Variants in DDX42 observed in about 807,000 individuals in gnomAD.
The protein encoded by DDX42 is ATP-dependent RNA helicase DDX42.
DDX42 carries 22 observed loss-of-function variants against 101.5 expected under a neutral mutation model. The observed-to-expected ratio is 0.22, with a 90% CI of 0.15 to 0.31. The LOEUF is 0.31. DDX42 is among the 10% of genes least tolerant of loss of function. The pLI, the probability that DDX42 is intolerant of heterozygous loss-of-function variation, is 1.00. For missense variants in DDX42, 849 were observed against 1,199.9 expected (o/e 0.71, Z 4.32); for synonymous variants, 402 against 401.2 (o/e 1.00, Z -0.02).
intron 2 of DDX42, 43 bp downstream of exon 2, chr17:63,787,313 A>C: frequency 6.3e-7 from 1 of 1,584,352 alleles, no homozygotes; most frequent in Non-Finnish European, 8.6e-7. Context: ...TTGGACTTTG[A>C]TATATTCATT....
Position 63,803,301 on chromosome 17 carries a change from G to T in DDX42, c.622-1770G>T, listed in dbSNP as rs575827176. On this transcript the variant is annotated intron_variant, in intron 6 of 17. Transcript: ENST00000389924. ...TTTTAGTGTAAAATAAAAAGTATCTGAAAAGGGCTGGGTGCGGTGGCTCAT... is the reference window on the plus strand; with the variant it reads ...TTTTAGTGTAAAATAAAAAGTATCTTAAAAGGGCTGGGTGCGGTGGCTCAT... 2.2e-3 allele frequency among the ~76,000 whole-genome samples: 329 copies of T among 151,940 alleles called. 1 individual carries two copies. Among genetic ancestry groups the T allele is most frequent in the Non-Finnish European group, 3.8e-3 (256 of 67,984 alleles).
chr17:63,817,029 G>A, intron 17 of DDX42, 63 bp downstream of exon 17: 1 of 1,450,826 alleles, frequency 6.9e-7, no homozygotes, highest in East Asian at 2.4e-5. Flanking sequence ...TGACAGAGGG[G>A]CTTAGTTTTC....
At chr17:63,812,863 A>G (rs1483311099) in intron 14 of DDX42, among the ~76,000 whole-genome samples, 1 of 152,138 alleles carries the variant, frequency 6.6e-6, no homozygotes. Flanking sequence ...CGTCTCTACT[A>G]AAAATACAAA....
chr17:63,805,342 T>G (rs1383627328), intron 7 of DDX42, 167 bp downstream of exon 7: 9 of 817,384 alleles, frequency 1.1e-5, no homozygotes, highest in Non-Finnish European at 1.6e-5. Flanking sequence ...TTAATTTGAT[T>G]GTTTTAGTCT....
intron 1 of DDX42, chr17:63,775,215 A>G (rs2039404859): frequency 6.5e-6 from 1 of 152,794 alleles, no homozygotes; most frequent in Non-Finnish European, 1.5e-5. Context: ...ATTAATGTTT[A>G]TATTTTGACA....
intron 1 of DDX42, 63 bp from the exon 2 acceptor site, chr17:63,786,971 C>A: frequency 6.4e-7 from 1 of 1,562,348 alleles, no homozygotes; most frequent in East Asian, 2.3e-5. Context: ...CCACCGCGCC[C>A]GGCCCTTGGG....
At chr17:63,793,336 T>C (rs1433139081) in intron 3 of DDX42, among the ~76,000 whole-genome samples, 1 of 152,012 alleles carries the variant, frequency 6.6e-6, no homozygotes, top group Non-Finnish European at 1.5e-5. Context: ...AGTATGATCA[T>C]GGCTCACTGC....
intron 1 of DDX42, 60 bp from the exon 2 acceptor site, chr17:63,786,974 C>T: frequency 1.3e-6 from 2 of 1,574,504 alleles, no homozygotes; most frequent in Non-Finnish European, 1.7e-6. Flanking sequence ...CCGCGCCCGG[C>T]CCTTGGGGCT....
At position 63,817,897 on chromosome 17, in the gene DDX42, C is replaced by G. The variant is rs756800695; in HGVS notation, c.2316C>G (p.Ile772Met). 6.2e-7 allele frequency: 1 copy of G among 1,614,218 alleles called. No homozygotes were observed. The highest frequency in any genetic ancestry group is 1.7e-5 in the Admixed American group (1 of 60,032). Residue 772 changes from isoleucine to methionine, a missense_variant, in exon 18 of 18, where the codon ATC becomes ATG. By Grantham distance (10) the Ile-to-Met change is conservative (BLOSUM62 1). Around this residue, in one of 5 missense-constraint regions of DDX42, gnomAD observed 300 missense variants for 304.9 expected, o/e 0.98. Transcript: ENST00000389924. ...GIPGFGNTGNISGAPVTYPSA... is the reference protein window; with the variant it reads ...GIPGFGNTGNMSGAPVTYPSA... ...CAGGCTTTGGCAATACTGGCAACAT[C>G]AGTGGTGCCCCTGTGACCTACCCGT...
intron 2 of DDX42, 56 bp downstream of exon 2, chr17:63,787,326 A>G (rs775377895): frequency 2.6e-4 from 401 of 1,541,098 alleles, no homozygotes; most frequent in Non-Finnish European, 3.3e-4. Context: ...TATTCATTCT[A>G]TCAGCAGAAA....
intron 1 of DDX42, 75 bp from the exon 2 acceptor site, chr17:63,786,954 GCGTGA>G: frequency 1.4e-6 from 2 of 1,442,814 alleles, no homozygotes; most frequent in Non-Finnish European, 1.9e-6. Context: ...GGGATTACAG[GCGTGA>G]CCCACCGCGC....
At chr17:63,799,355 T>A (rs1327559166) in intron 4 of DDX42, 2 of 407,704 alleles carry the variant, frequency 4.9e-6, no homozygotes, top group Non-Finnish European at 4.3e-6. Flanking sequence ...TAACCGCTGT[T>A]TCTAGGGGTA....
chr17:63,798,168 C>A, intron 4 of DDX42, 69 bp downstream of exon 4: 3 of 1,455,044 alleles, frequency 2.1e-6, no homozygotes, highest in Non-Finnish European at 2.9e-6. Flanking sequence ...GTCTATTCCC[C>A]CAAAGTTTAT....
In DDX42 at chr17:63,817,936, A is replaced by G. The variant is rs1567748603; in HGVS notation, c.2355A>G (p.Gln785=). 5 of 1,614,210 alleles carry G rather than the reference A, an allele frequency of 3.1e-6. No homozygotes were observed. The highest frequency in any genetic ancestry group is 4.2e-6 in the Non-Finnish European group (5 of 1,180,032). ...TGACCTACCCGTCTGCCGGAGCCCA[A>G]GGAGTCAACAACACAGCTTCAGGGA... ...APVTYPSAGA[Q]GVNNTASGNN... is the part of the protein sequence containing the mutation. Residue 785 remains glutamine (Q), a synonymous_variant, in exon 18 of 18, where the codon CAA becomes CAG. Coordinates refer to ENST00000389924, the MANE Select transcript of DDX42 (RefSeq NM_203499.3).
chr17:63,774,198 G>A lies in DDX42; in HGVS notation c.-195G>A. 1 of 295,278 alleles carries A rather than the reference G, an allele frequency of 3.4e-6. No homozygotes were observed. The highest frequency in any genetic ancestry group is 6.1e-6 in the Non-Finnish European group (1 of 162,760). 18.3% of individuals were successfully genotyped at this position (295,278 alleles called of 1,614,324 possible). A position where few individuals can be genotyped will look rare whatever the true frequency, so the allele number is the denominator to read the frequency against. On this transcript the variant is annotated 5_prime_UTR_variant, in exon 1 of 18. It adds an upstream start codon to the 5' untranslated region. Coordinates refer to ENST00000389924, the MANE Select transcript of DDX42 (RefSeq NM_203499.3). The stretch of plus-strand genomic sequence containing the variant: ...CCCCTCCCCCCTTCAGCAACGGGCC[G>A]TGAGGCGGTGGCGGTGGTGGCGGTG...
Position 63,818,173 on chromosome 17 carries a change from T to TGGA in DDX42, c.2596_2598dup (p.Gly866dup), listed in dbSNP as rs1362197364. ...GCCATCGGCACGGGGAGAACAGACATGGAGGAAGCGCAGGCCGGCATGGGG... is the reference window on the plus strand; with the variant it reads ...GCCATCGGCACGGGGAGAACAGACATGGAGGAGGAAGCGCAGGCCGGCATGGGG... On this transcript the variant is annotated inframe_insertion, in exon 18 of 18. Coordinates refer to ENST00000389924, the MANE Select transcript of DDX42 (RefSeq NM_203499.3). 1.2e-6 allele frequency: 2 copies of TGGA among 1,612,790 alleles called. No individual in the cohort carries two copies. The highest frequency in any genetic ancestry group is 2.7e-5 in the African/African-American group (2 of 74,440).
chr17:63,811,181 T>C lies in DDX42; in HGVS notation c.1398+8T>C. On this transcript the variant is annotated splice_region_variant and intron_variant, in intron 13 of 17. Transcript: ENST00000389924. ...CAGGGAGATATTGGAGAGGTAACCCTAAGCAGGGCTGGATGGGACCTTAAT... is the reference window on the plus strand; with the variant it reads ...CAGGGAGATATTGGAGAGGTAACCCCAAGCAGGGCTGGATGGGACCTTAAT... The C allele has an allele frequency of 1.2e-6, 2 of 1,607,644 alleles. No individual in the cohort carries two copies. The highest frequency in any genetic ancestry group is 1.7e-6 in the Non-Finnish European group (2 of 1,175,236).
intron 1 of DDX42, 36 bp from the exon 2 acceptor site, chr17:63,786,998 A>G: frequency 6.2e-7 from 1 of 1,606,310 alleles, no homozygotes; most frequent in Non-Finnish European, 8.5e-7. Flanking sequence ...CACTTTTTTA[A>G]GTTTAATTTA....
intron 6 of DDX42, among the ~76,000 whole-genome samples, chr17:63,800,837 A>T (rs1567738531): frequency 2.0e-5 from 3 of 152,062 alleles, no homozygotes; most frequent in Non-Finnish European, 4.4e-5. Context: ...GAATTAAAAC[A>T]TTTTTTTCAA....
Sources: allele counts gnomAD v4.1 joint callset (sites outside exome capture counted in the v4.1 genomes callset), GRCh38; gene constraint gnomAD v4.1.1; regional missense constraint gnomAD v4.1.1; transcripts MANE v1.5; gene names NCBI Gene and HGNC (gene_info 2026-07-23, HGNC 2026-07-21).